The following UVRAG variants were observed in gnomAD, a reference collection of about 807,000 sequenced individuals.
UVRAG encodes the protein UV radiation resistance-associated gene protein.
Under a neutral mutation model 78.0 loss-of-function variants are expected in UVRAG, and 19 were observed. The ratio of observed to expected loss-of-function variants is 0.24; its 90% CI spans 0.17 to 0.36. UVRAG has a LOEUF of 0.36. Ranked by LOEUF, UVRAG falls within the 10% of genes least tolerant of loss-of-function variation. UVRAG has a pLI of 1.00. For synonymous variants in UVRAG, 323 were observed against 324.6 expected, an observed-to-expected ratio of 1.00 and a Z score of 0.05; for missense variants, 740 against 853.8, an observed-to-expected ratio of 0.87 and a Z score of 1.66.
At chr11:76,114,880 A>T (rs1019331369) in intron 13 of UVRAG, among the ~76,000 whole-genome samples, 1 of 152,214 alleles carries the variant, frequency 6.6e-6, no homozygotes, top group African/African-American at 2.4e-5. Context: ...TGACTTAGCC[A>T]CTCTTAAATT....
At chr11:75,883,369 C>CAAAA (rs561377655) in intron 4 of UVRAG, among the ~76,000 whole-genome samples, 4 of 48,270 alleles carry the variant, frequency 8.3e-5, no homozygotes, top group African/African-American at 1.1e-4. Context: ...TAACAGAGAA[C>CAAAA]AAAAAAAAAA....
chr11:76,090,673 A>G (rs1951680587), intron 13 of UVRAG, among the ~76,000 whole-genome samples: 1 of 151,818 alleles, frequency 6.6e-6, no homozygotes, highest in South Asian at 2.1e-4. Flanking sequence ...TTTTCCCCTA[A>G]TGTTTTTTAT....
At chr11:75,927,590 G>A (rs1473026984) in intron 6 of UVRAG, among the ~76,000 whole-genome samples, 2 of 152,130 alleles carry the variant, frequency 1.3e-5, no homozygotes, top group Admixed American at 6.5e-5. Context: ...GTTCTATGAA[G>A]AAAAATAAAG....
chr11:76,082,493 T>C lies in UVRAG; in HGVS notation c.1305+16705T>C, dbSNP rs182748505. 5.0e-3 allele frequency among the ~76,000 whole-genome samples: 636 copies of C among 126,752 alleles called. 5 individuals are homozygous for C. The highest frequency in any genetic ancestry group is 0.018 in the African/African-American group (599 of 32,718). 83.2% of individuals were successfully genotyped at this position (126,752 alleles called of 152,430 possible). ...AGGCGGAGCTTGCAGTGAGCGGAGATGGCACCACTGCACTCCAGCCTGGGC... is the reference window on the plus strand; with the variant it reads ...AGGCGGAGCTTGCAGTGAGCGGAGACGGCACCACTGCACTCCAGCCTGGGC... On this transcript the variant is annotated intron_variant, in intron 13 of 14. Coordinates refer to ENST00000356136, the MANE Select transcript of UVRAG (RefSeq NM_003369.4).
intron 12 of UVRAG, among the ~76,000 whole-genome samples, chr11:76,032,781 C>G (rs1394510323): frequency 1.3e-5 from 2 of 152,202 alleles, no homozygotes; most frequent in African/African-American, 4.8e-5. Flanking sequence ...AACACGTACA[C>G]TGGCACAAAG....
intron 6 of UVRAG, among the ~76,000 whole-genome samples, chr11:75,953,687 AT>A (rs61554015): frequency 0.055 from 8,356 of 151,970 alleles, 294 homozygotes; most frequent in East Asian, 0.17. Flanking sequence ...ACTTGACATA[AT>A]TTTTTTTATT....
At chr11:76,014,427 C>G (rs984588536) in intron 11 of UVRAG, among the ~76,000 whole-genome samples, 4 of 152,204 alleles carry the variant, frequency 2.6e-5, no homozygotes, top group Non-Finnish European at 4.4e-5. Flanking sequence ...GAAGTTGCAA[C>G]TTAGCATAGT....
At chr11:75,915,408 A>C (rs1947828916) in intron 6 of UVRAG, among the ~76,000 whole-genome samples, 2 of 152,180 alleles carry the variant, frequency 1.3e-5, no homozygotes, top group Admixed American at 1.3e-4. Flanking sequence ...ATTTACATTT[A>C]ATGTGGGATA....
chr11:75,979,241 C>T (rs796775517), intron 7 of UVRAG, among the ~76,000 whole-genome samples: 17 of 152,288 alleles, frequency 1.1e-4, no homozygotes, highest in African/African-American at 3.6e-4. Context: ...CTGGAAGCTT[C>T]GTGTCAGAGG....
chr11:75,918,716 C>CAT (rs1947913405), intron 6 of UVRAG, among the ~76,000 whole-genome samples: 1 of 152,116 alleles, frequency 6.6e-6, no homozygotes, highest in Non-Finnish European at 1.5e-5. Flanking sequence ...CAGTGTGTAT[C>CAT]ATATATATGT....
chr11:76,124,684 T>TAGTG (rs2134485005), intron 14 of UVRAG, among the ~76,000 whole-genome samples: 1 of 152,344 alleles, frequency 6.6e-6, no homozygotes, highest in African/African-American at 2.4e-5. Context: ...GAGAAGTAAC[T>TAGTG]AGTGGCTTTA....
At chr11:75,983,251 T>G in intron 7 of UVRAG, 136 bp from the exon 8 acceptor site, 2 of 713,082 alleles carry the variant, frequency 2.8e-6, no homozygotes, top group Non-Finnish European at 4.3e-6. Flanking sequence ...GTAATTAAGT[T>G]ACTCAAGAGT....
At chr11:76,042,850 T>C (rs1463209164) in intron 12 of UVRAG, among the ~76,000 whole-genome samples, 1 of 152,222 alleles carries the variant, frequency 6.6e-6, no homozygotes, top group African/African-American at 2.4e-5. Flanking sequence ...CTACTAGATG[T>C]CTCTACAGAT....
At chr11:75,986,551 T>C (rs536384889) in intron 8 of UVRAG, among the ~76,000 whole-genome samples, 105 of 152,326 alleles carry the variant, frequency 6.9e-4, no homozygotes, top group African/African-American at 2.4e-3. Context: ...ACACTAAAAT[T>C]AGTAATGATT....
At chr11:76,126,597 A>C (rs886517098) in intron 14 of UVRAG, among the ~76,000 whole-genome samples, 5 of 152,174 alleles carry the variant, frequency 3.3e-5, no homozygotes, top group African/African-American at 1.2e-4. Flanking sequence ...TTTAATGGCT[A>C]CGTAGTATTT....
At chr11:75,983,341 C>T in intron 7 of UVRAG, 46 bp from the exon 8 acceptor site, 1 of 1,469,196 alleles carries the variant, frequency 6.8e-7, no homozygotes, top group Non-Finnish European at 9.2e-7. Flanking sequence ...TATTCATAGT[C>T]ATGACATTTA....
chr11:76,009,008 A>G, intron 11 of UVRAG, 141 bp downstream of exon 11: 1 of 475,458 alleles, frequency 2.1e-6, no homozygotes, highest in Non-Finnish European at 3.8e-6. Flanking sequence ...TGTATATCAG[A>G]CTCCTTGATG....
chr11:76,044,944 C>G (rs898825741), intron 12 of UVRAG, among the ~76,000 whole-genome samples: 1 of 151,986 alleles, frequency 6.6e-6, no homozygotes, highest in Non-Finnish European at 1.5e-5. Context: ...TCTAAGAGCT[C>G]GCAAGGGGGA....
At chr11:75,993,290 G>A (rs1386143023) in intron 8 of UVRAG, among the ~76,000 whole-genome samples, 1 of 152,170 alleles carries the variant, frequency 6.6e-6, no homozygotes, top group Non-Finnish European at 1.5e-5. Context: ...GACTTGCTGA[G>A]TGGTCACATA....
Sources: allele counts gnomAD v4.1 joint callset (sites outside exome capture counted in the v4.1 genomes callset), GRCh38; gene constraint gnomAD v4.1.1; transcripts MANE v1.5; gene names NCBI Gene and HGNC (gene_info 2026-07-23, HGNC 2026-07-21).